The following FSTL5 variants were observed in gnomAD, a reference collection of about 807,000 sequenced individuals.
FSTL5 encodes follistatin-related protein 5.
Under a neutral mutation model 89.1 loss-of-function variants are expected in FSTL5, and 62 were observed. The observed-to-expected ratio is 0.70, with a 90% CI of 0.57 to 0.86. FSTL5 has a LOEUF of 0.86. FSTL5 is among the 40% of genes least tolerant of loss of function. The pLI is 0.00. For missense variants in FSTL5, 1,057 were observed against 1,001.6 expected (o/e 1.06, Z -0.75); for synonymous variants, 383 against 346.2 (o/e 1.11, Z -1.18).
At chr4:162,111,185 C>T in intron 2 of FSTL5, 86 bp downstream of exon 2, 1 of 1,093,092 alleles carries the variant, frequency 9.1e-7, no homozygotes, top group South Asian at 2.3e-5. Context: ...GAAATAAGTG[C>T]TCCTAAGTGA....
At chr4:161,522,819 GAA>G (rs1280217087) in intron 10 of FSTL5, among the ~76,000 whole-genome samples, 2 of 151,514 alleles carry the variant, frequency 1.3e-5, no homozygotes, top group African/African-American at 4.8e-5. Context: ...GAAATTATTT[GAA>G]GTTTAAAATA....
At chr4:162,153,487 C>T (rs896034470) in intron 1 of FSTL5, among the ~76,000 whole-genome samples, 33 of 150,978 alleles carry the variant, frequency 2.2e-4, no homozygotes, top group African/African-American at 8.0e-4. Flanking sequence ...GGCAGGTACT[C>T]TGTCTCTCTC....
At chr4:161,642,449 T>C (rs1735996753) in intron 7 of FSTL5, among the ~76,000 whole-genome samples, 1 of 151,976 alleles carries the variant, frequency 6.6e-6, no homozygotes, top group Non-Finnish European at 1.5e-5. Flanking sequence ...TATAAAAGAC[T>C]CACTTTAGAA....
At chr4:162,134,128 G>C (rs936978676) in intron 1 of FSTL5, among the ~76,000 whole-genome samples, 5 of 152,120 alleles carry the variant, frequency 3.3e-5, no homozygotes, top group African/African-American at 1.2e-4. Context: ...GATACTTCCC[G>C]TGATTCTTCC....
intron 6 of FSTL5, among the ~76,000 whole-genome samples, chr4:161,744,192 A>G (rs765749559): frequency 2.0e-5 from 3 of 152,122 alleles, no homozygotes; most frequent in Non-Finnish European, 4.4e-5. Flanking sequence ...GAATGAGCAC[A>G]TCACTATGAC....
chr4:161,997,827 A>G (rs1288654790), intron 3 of FSTL5, among the ~76,000 whole-genome samples: 1 of 151,790 alleles, frequency 6.6e-6, no homozygotes, highest in Non-Finnish European at 1.5e-5. Flanking sequence ...GATGGTCTCG[A>G]TCTCCTGACC....
intron 1 of FSTL5, among the ~76,000 whole-genome samples, chr4:162,114,561 CACACACAT>C (rs764968504): frequency 1.4e-4 from 14 of 103,380 alleles, no homozygotes; most frequent in African/African-American, 2.4e-4. Flanking sequence ...CACACACACA[CACACACAT>C]ATTCTATATG....
At chr4:161,415,663 T>TAC (rs1553984004) in intron 15 of FSTL5, among the ~76,000 whole-genome samples, 2 of 148,514 alleles carry the variant, frequency 1.3e-5, no homozygotes, top group African/African-American at 2.5e-5. Flanking sequence ...CATATATATA[T>TAC]AGAGAGAGAG....
intron 3 of FSTL5, among the ~76,000 whole-genome samples, chr4:161,928,911 C>G (rs1204447099): frequency 6.6e-6 from 1 of 151,732 alleles, no homozygotes; most frequent in Non-Finnish European, 1.5e-5. Flanking sequence ...TCCAACTCAT[C>G]AATTTTTCCT....
At chr4:162,126,588 A>T (rs1579048701) in intron 1 of FSTL5, among the ~76,000 whole-genome samples, 1 of 152,090 alleles carries the variant, frequency 6.6e-6, no homozygotes, top group East Asian at 1.9e-4. Context: ...TAATGTGTAT[A>T]ATCTAATGTG....
At chr4:162,021,055 A>G (rs1019407966) in intron 3 of FSTL5, among the ~76,000 whole-genome samples, 6 of 152,048 alleles carry the variant, frequency 3.9e-5, no homozygotes, top group Admixed American at 3.9e-4. Context: ...TATATTGTTC[A>G]AGTTGTTTAC....
intron 4 of FSTL5, among the ~76,000 whole-genome samples, chr4:161,832,796 G>A (rs992705460): frequency 1.5e-4 from 23 of 150,050 alleles, no homozygotes; most frequent in African/African-American, 2.2e-4. Context: ...TCTTGCTAGC[G>A]GTCTATCAAT....
chr4:161,872,565 G>A (rs1732309292), intron 4 of FSTL5, among the ~76,000 whole-genome samples: 1 of 152,052 alleles, frequency 6.6e-6, no homozygotes, highest in Non-Finnish European at 1.5e-5. Flanking sequence ...AAATACGATG[G>A]AACATTTACT....
At chr4:161,440,626 T>TAATA (rs1732728082) in intron 15 of FSTL5, among the ~76,000 whole-genome samples, 1 of 152,124 alleles carries the variant, frequency 6.6e-6, no homozygotes, top group Non-Finnish European at 1.5e-5. Flanking sequence ...TCTGACTTGG[T>TAATA]CGTTCTGTTG....
At chr4:162,100,448 C>T (rs1730950349) in intron 2 of FSTL5, among the ~76,000 whole-genome samples, 1 of 151,972 alleles carries the variant, frequency 6.6e-6, no homozygotes, top group Non-Finnish European at 1.5e-5. Context: ...ATGCATATTA[C>T]TAAATGAAAG....
At chr4:162,037,683 A>G (rs1469001137) in intron 2 of FSTL5, among the ~76,000 whole-genome samples, 4 of 151,926 alleles carry the variant, frequency 2.6e-5, no homozygotes, top group Non-Finnish European at 5.9e-5. Context: ...AATATTTAAG[A>G]AGCATGAATT....
At chr4:161,481,802 T>C (rs1729520097) in intron 12 of FSTL5, among the ~76,000 whole-genome samples, 1 of 152,200 alleles carries the variant, frequency 6.6e-6, no homozygotes, top group African/African-American at 2.4e-5. Context: ...CTGCATACTT[T>C]GTGTTAGATG....
At chr4:161,919,111 C>T (rs528091294) in intron 4 of FSTL5, among the ~76,000 whole-genome samples, 1 of 151,908 alleles carries the variant, frequency 6.6e-6, no homozygotes, top group East Asian at 1.9e-4. Flanking sequence ...TCCACCATAC[C>T]ATCTTGTGTC....
At chr4:161,416,612 A>T (rs1731792451) in intron 15 of FSTL5, among the ~76,000 whole-genome samples, 1 of 152,142 alleles carries the variant, frequency 6.6e-6, no homozygotes, top group South Asian at 2.1e-4. Context: ...TGGGAGGCCC[A>T]GGTGGGGGGA....
Sources: gnomAD v4.1 joint callset for allele counts (sites outside exome capture counted in the v4.1 genomes callset) on GRCh38, gnomAD v4.1.1 for gene constraint, MANE v1.5 for transcripts, NCBI Gene and HGNC (gene_info 2026-07-23, HGNC 2026-07-21) for gene names.